The following CDK7 variants were observed in gnomAD, a reference collection of about 807,000 sequenced individuals.
CDK7 encodes the protein cyclin-dependent kinase 7.
Under a neutral mutation model 49.1 loss-of-function variants are expected in CDK7, and 25 were observed. The observed-to-expected ratio is 0.51, with a 90% CI of 0.37 to 0.71. The LOEUF (loss-of-function observed/expected upper bound fraction) is 0.71. Ranked by LOEUF, CDK7 falls within the 30% of genes least tolerant of loss-of-function variation. CDK7 has a pLI of 0.00. For missense variants in CDK7, 316 were observed against 411.7 expected, an observed-to-expected ratio of 0.77 and a Z score of 2.01; for synonymous variants, 107 against 140.0, an observed-to-expected ratio of 0.76 and a Z score of 1.67.
intron 2 of CDK7, among the ~76,000 whole-genome samples, chr5:69,249,437 G>A (rs1580288533): frequency 6.6e-6 from 1 of 152,170 alleles, no homozygotes; most frequent in Non-Finnish European, 1.5e-5. Context: ...GCTTCTTGGG[G>A]GGGTCTGAGT....
At chr5:69,259,972 G>C in intron 7 of CDK7, 36 bp downstream of exon 7, 1 of 1,263,238 alleles carries the variant, frequency 7.9e-7, no homozygotes, top group African/African-American at 1.5e-5. Context: ...GCAGGAGTTT[G>C]ATCAGAAATG....
chr5:69,275,064 C>CAAA (rs60134652), intron 10 of CDK7, among the ~76,000 whole-genome samples: 371 of 107,104 alleles, frequency 3.5e-3, no homozygotes, highest in Non-Finnish European at 3.8e-3. Context: ...ACTCTGTATC[C>CAAA]AAAAAAAAAA....
chr5:69,276,487 C>T, intron 10 of CDK7, 56 bp from the exon 11 acceptor site: 1 of 1,523,476 alleles, frequency 6.6e-7, no homozygotes, highest in African/African-American at 1.4e-5. Context: ...TAAGATTTTC[C>T]TTAACACATT....
At chr5:69,258,804 G>A (rs553292038) in intron 6 of CDK7, among the ~76,000 whole-genome samples, 27 of 152,224 alleles carry the variant, frequency 1.8e-4, no homozygotes, top group Admixed American at 1.4e-3. Context: ...ACCCAGGCAT[G>A]GTGGCTCACT....
chr5:69,268,521 C>T (rs1311809188), intron 8 of CDK7, among the ~76,000 whole-genome samples: 1 of 152,106 alleles, frequency 6.6e-6, no homozygotes, highest in Non-Finnish European at 1.5e-5. Context: ...TTAAGTTTTT[C>T]TTATTAAATT....
At chr5:69,258,856 T>C (rs1340646119) in intron 6 of CDK7, among the ~76,000 whole-genome samples, 1 of 152,012 alleles carries the variant, frequency 6.6e-6, no homozygotes, top group African/African-American at 2.4e-5. Context: ...CAAGTAGATA[T>C]CTCGAGCCCA....
intron 9 of CDK7, among the ~76,000 whole-genome samples, chr5:69,272,491 C>T (rs1751665565): frequency 6.6e-6 from 1 of 152,078 alleles, no homozygotes; most frequent in South Asian, 2.1e-4. Flanking sequence ...AACATCCTTC[C>T]TCTGTTGAAT....
At chr5:69,269,322 G>A in intron 9 of CDK7, 29 bp downstream of exon 9, 1 of 1,495,030 alleles carries the variant, frequency 6.7e-7, no homozygotes. Context: ...TCTTTGAAAT[G>A]TAATTAGGAC....
intron 2 of CDK7, among the ~76,000 whole-genome samples, chr5:69,243,863 C>T (rs10041405): frequency 2.7e-5 from 3 of 112,096 alleles, no homozygotes; most frequent in Non-Finnish European, 5.0e-5. Context: ...GATGGAGTCT[C>T]GCACTGTTGC....
intron 9 of CDK7, among the ~76,000 whole-genome samples, chr5:69,270,100 T>G (rs1751435077): frequency 6.8e-6 from 1 of 148,126 alleles, no homozygotes. Context: ...CTTCTTATTT[T>G]GAGAATATTA....
At chr5:69,269,158 T>TAAA in intron 8 of CDK7, 49 bp from the exon 9 acceptor site, 15 of 1,046,754 alleles carry the variant, frequency 1.4e-5, no homozygotes, top group Non-Finnish European at 1.8e-5. Flanking sequence ...AGAAAAAAAT[T>TAAA]AAAAAAAAAA....
At chr5:69,268,834 CAAAA>C (rs56877264) in intron 8 of CDK7, among the ~76,000 whole-genome samples, 2 of 120,674 alleles carry the variant, frequency 1.7e-5, no homozygotes. Context: ...GAGACTGTCT[CAAAA>C]AAAAAAAAAA....
intron 2 of CDK7, among the ~76,000 whole-genome samples, chr5:69,244,858 C>A (rs970654616): frequency 2.6e-5 from 4 of 151,994 alleles, no homozygotes; most frequent in African/African-American, 9.7e-5. Flanking sequence ...ATATGTTCTT[C>A]TATACCCAGT....
chr5:69,251,238 C>T (rs979813403), intron 2 of CDK7, among the ~76,000 whole-genome samples: 3 of 152,018 alleles, frequency 2.0e-5, no homozygotes, highest in African/African-American at 7.2e-5. Flanking sequence ...GCTGGGACTA[C>T]AGGCGTGTGC....
intron 2 of CDK7, among the ~76,000 whole-genome samples, chr5:69,243,242 T>A (rs1375799338): frequency 6.6e-6 from 1 of 152,208 alleles, no homozygotes; most frequent in Non-Finnish European, 1.5e-5. Flanking sequence ...AAGGAGTATC[T>A]CTTTGACAGG....
intron 3 of CDK7, among the ~76,000 whole-genome samples, 192 bp downstream of exon 3, chr5:69,252,643 A>G (rs1382403960): frequency 6.6e-6 from 1 of 151,642 alleles, no homozygotes; most frequent in Non-Finnish European, 1.5e-5. Context: ...TTGAGTAGCT[A>G]GGGCTGTAAA....
At position 69,262,194 on chromosome 5, in the gene CDK7, T is replaced by G. The variant is rs1175349193; in HGVS notation, c.528-11T>G. The G allele has an allele frequency of 5.6e-6, 9 of 1,613,154 alleles. No homozygotes were observed. In the East Asian group the frequency reaches 2.0e-4, roughly 36 times the overall value. ...CATGCTAAAATGATACTAATTCTTT[T>G]TGTTCTTTAGGTGGTATCGGGCCCC... On this transcript the variant is annotated splice_polypyrimidine_tract_variant and intron_variant, in intron 7 of 11. Coordinates refer to ENST00000256443, the MANE Select transcript of CDK7 (RefSeq NM_001799.4).
intron 3 of CDK7, among the ~76,000 whole-genome samples, chr5:69,253,185 T>C (rs1750260765): frequency 6.6e-6 from 1 of 152,196 alleles, no homozygotes; most frequent in Non-Finnish European, 1.5e-5. Context: ...CAAAGTCTTA[T>C]TTATTAGGAT....
At chr5:69,255,412 T>C in intron 4 of CDK7, 48 bp from the exon 5 acceptor site, 1 of 1,077,164 alleles carries the variant, frequency 9.3e-7, no homozygotes, top group Non-Finnish European at 1.4e-6. Context: ...GCTATGATAC[T>C]GTCAGGTATT....
Sources: allele counts gnomAD v4.1 joint callset (sites outside exome capture counted in the v4.1 genomes callset), GRCh38; gene constraint gnomAD v4.1.1; transcripts MANE v1.5; gene names NCBI Gene and HGNC (gene_info 2026-07-23, HGNC 2026-07-21).